Variants in CYP2D6 observed in about 807,000 individuals in gnomAD.
The protein encoded by CYP2D6 is cytochrome P450 family 2 subfamily D member 6 (gene/pseudogene), also known as cytochrome P450 2D6.
Under a neutral mutation model 43.5 loss-of-function variants are expected in CYP2D6, and 51 were observed. That is an observed-to-expected ratio of 1.17 (90% CI 0.94 to 1.48). CYP2D6 has a LOEUF of 1.48. Ranked by LOEUF, CYP2D6 falls within the 40% of genes most tolerant of loss-of-function variation. The pLI is 0.00. For synonymous variants in CYP2D6, 346 were observed against 297.1 expected (o/e 1.16, Z -1.69); for missense variants, 698 against 688.0 (o/e 1.01, Z -0.16).
intron 4 of CYP2D6, 61 bp downstream of exon 4, chr22:42,128,723 C>A: frequency 6.4e-7 from 1 of 1,557,540 alleles, no homozygotes. Flanking sequence ...AGGCCCCAGT[C>A]CAGCCCCGGC....
chr22:42,129,185 C>T lies in CYP2D6; in HGVS notation c.353G>A (p.Gly118Glu). Residue 118 changes from glycine to glutamate, a missense_variant and splice_region_variant, in exon 3 of 9, where the codon GGG becomes GAG. Physicochemically the swap from Gly to Glu is moderately conservative, Grantham distance 98. Around this residue, in one of 5 missense-constraint regions of CYP2D6, gnomAD observed 588 missense variants for 521.1 expected, o/e 1.13. Transcript: ENST00000645361. ...QILGFGPRSQ[G>E]VFLARYGPAW... Reference sequence around the variant, plus strand: ...GGGCCCATAGCGCGCCAGGAACACCCCTGGGGGTGGGACGGGCACGTGCGC... The same window carrying T: ...GGGCCCATAGCGCGCCAGGAACACCTCTGGGGGTGGGACGGGCACGTGCGC... 2 of 1,603,868 alleles carry T rather than the reference C, an allele frequency of 1.2e-6. No individual in the cohort carries two copies. The highest frequency in any genetic ancestry group is 2.2e-5 in the East Asian group (1 of 44,744).
At chr22:42,129,549 A>T (rs1187537692) in intron 2 of CYP2D6, among the ~76,000 whole-genome samples, 189 bp downstream of exon 2, 2 of 149,360 alleles carry the variant, frequency 1.3e-5, no homozygotes, top group African/African-American at 5.0e-5. Context: ...GGCCCCGCCC[A>T]CTCGTCACAA....
chr22:42,126,654 G>A lies in CYP2D6; in HGVS notation c.1414C>T (p.Gln472Ter), dbSNP rs2146928366. Residue 472 changes from glutamine to a stop codon, truncating the protein, a stop_gained, in exon 9 of 9, where the codon CAG (glutamine) becomes TAG (stop). Transcript: ENST00000645361. LOFTEE classifies it low-confidence loss of function (END_TRUNC). ...QHFSFSVPTGQPRPSHHGVFA... is the reference protein window; with the variant it reads ...QHFSFSVPTG ...ACACCATGGTGGCTGGGCCGGGGCTGTCCAGTGGGCACCGAGAAGCTGAAG... is the reference window on the plus strand; with the variant it reads ...ACACCATGGTGGCTGGGCCGGGGCTATCCAGTGGGCACCGAGAAGCTGAAG... The A allele has an allele frequency of 6.2e-7, 1 of 1,609,340 alleles. No homozygotes were observed. Among genetic ancestry groups the A allele is most frequent in the Non-Finnish European group, 8.5e-7 (1 of 1,177,756 alleles).
At position 42,128,915 on chromosome 22, in the gene CYP2D6, C is replaced by G. The variant is rs764477422; in HGVS notation, c.535G>C (p.Asp179His). 1 of 1,594,124 alleles carries G rather than the reference C, an allele frequency of 6.3e-7. No individual in the cohort carries two copies. ...GCGATCACGTTGCTCACGGCTTTGT[C>G]CAAGAGACCGTTGGGGCGAAAGGGG... Reference protein sequence around the residue: ...GRPFRPNGLLDKAVSNVIASL... With the variant: ...GRPFRPNGLLHKAVSNVIASL... The change falls in exon 4 of 9, where the codon GAC becomes CAC. Residue 179 changes from aspartate to histidine, a missense_variant. This residue lies in a region of CYP2D6 where 588 missense variants were observed against 521.1 expected (regional missense o/e 1.13). Transcript: ENST00000645361.
chr22:42,128,142 C>G, intron 5 of CYP2D6, 32 bp downstream of exon 5: 1 of 1,589,754 alleles, frequency 6.3e-7, no homozygotes. Context: ...CAACCCACCA[C>G]CCTTGCCCCC....
intron 2 of CYP2D6, 137 bp from the exon 3 acceptor site, chr22:42,129,322 T>A: frequency 8.6e-7 from 1 of 1,166,380 alleles, no homozygotes; most frequent in Non-Finnish European, 1.2e-6. Flanking sequence ...CCACTCTTTG[T>A]GCATCCACCT....
intron 1 of CYP2D6, 156 bp downstream of exon 1, chr22:42,130,456 C>G: frequency 1.1e-6 from 1 of 873,872 alleles, no homozygotes; most frequent in Non-Finnish European, 1.9e-6. Context: ...GTCCTTCATG[C>G]CATGTATAAA....
intron 7 of CYP2D6, 140 bp from the exon 8 acceptor site, chr22:42,127,132 G>A: frequency 1.7e-6 from 2 of 1,167,478 alleles, no homozygotes; most frequent in Non-Finnish European, 1.2e-6. Flanking sequence ...AAGCTCCACA[G>A]TACCCTCTCC....
rs527792942 is a variant in CYP2D6, at chr22:42,130,440, A to G, written c.180+172T>C. ...CCCTACTCTTCCTTGGCCTTTGGAAAATCCAGTCCTTCATGCCATGTATAA... is the reference window on the plus strand; with the variant it reads ...CCCTACTCTTCCTTGGCCTTTGGAAGATCCAGTCCTTCATGCCATGTATAA... On this transcript the variant is annotated intron_variant, in intron 1 of 8. Coordinates refer to ENST00000645361, the MANE Select transcript of CYP2D6 (RefSeq NM_000106.6). The G allele has an allele frequency of 1.1e-4, 85 of 807,846 alleles. 3 individuals are homozygous for G. The East Asian group carries it at 2.1e-3, about 20-fold the overall frequency. 50.0% of individuals were successfully genotyped at this position (807,846 alleles called of 1,614,324 possible).
At position 42,127,594 on chromosome 22, in the gene CYP2D6, C is replaced by G; in HGVS notation, c.1026G>C (p.Val342=). ...CCTGGTCACCCATCTCTGGTCGCCGCACCTGCCCTATCACGTCGTCGATCT... is the reference window on the plus strand; with the variant it reads ...CCTGGTCACCCATCTCTGGTCGCCGGACCTGCCCTATCACGTCGTCGATCT... The part of the protein sequence containing the change: ...QQEIDDVIGQ[V]RRPEMGDQAH... The change falls in exon 7 of 9, where the codon GTG becomes GTC. Residue 342 remains valine (V), a synonymous_variant. Coordinates refer to ENST00000645361, the MANE Select transcript of CYP2D6 (RefSeq NM_000106.6). 1 of 1,612,090 alleles carries G rather than the reference C, an allele frequency of 6.2e-7. No individual in the cohort carries two copies. Among genetic ancestry groups the G allele is most frequent in the Non-Finnish European group, 8.5e-7 (1 of 1,178,700 alleles).
chr22:42,130,757 A>G lies in CYP2D6; in HGVS notation c.35T>C (p.Ile12Thr). The change falls in exon 1 of 9, where the codon ATA (isoleucine) becomes ACA (threonine). Residue 12 changes from isoleucine (I) to threonine (T), a missense_variant. Physicochemically the swap from Ile to Thr is moderately conservative, Grantham distance 89 (BLOSUM62 -1). Transcript: ENST00000645361. ...CACCAGGAGCAGGAAGATGGCCACTATCACGGCCAGGGGCACCAGTGCTTC... is the reference window on the plus strand; with the variant it reads ...CACCAGGAGCAGGAAGATGGCCACTGTCACGGCCAGGGGCACCAGTGCTTC... Reference protein sequence around the residue: ...GLEALVPLAVIVAIFLLLVDL... With the variant: ...GLEALVPLAVTVAIFLLLVDL... 1.3e-6 allele frequency: 2 copies of G among 1,589,848 alleles called. No individual in the cohort carries two copies. The highest frequency in any genetic ancestry group is 1.4e-5 in the African/African-American group (1 of 73,810).
rs1320662968 is a variant in CYP2D6 at position 42,130,680 on chromosome 22, G to C, written c.112C>G (p.Leu38Val). 1 of 1,608,300 alleles carries C rather than the reference G, an allele frequency of 6.2e-7. No homozygotes were observed. The change falls in exon 1 of 9, where the codon CTG becomes GTG. Residue 38 changes from leucine (L) to valine (V), a missense_variant. By Grantham distance (32) the Leu-to-Val change is conservative. Around this residue, in one of 5 missense-constraint regions of CYP2D6, gnomAD observed 588 missense variants for 521.1 expected, o/e 1.13. Coordinates refer to ENST00000645361, the MANE Select transcript of CYP2D6 (RefSeq NM_000106.6). Reference sequence around the variant, plus strand: ...AGGTTGCCCAGCCCGGGCAGTGGCAGGGGGCCTGGTGGGTAGCGTGCAGCC... The same window carrying C: ...AGGTTGCCCAGCCCGGGCAGTGGCACGGGGCCTGGTGGGTAGCGTGCAGCC... ...RWAARYPPGP[L>V]PLPGLGNLLH...
In CYP2D6 at chr22:42,128,677, T is replaced by C. The variant is rs1235579184; in HGVS notation, c.666+107A>G. 1.5e-6 allele frequency: 2 copies of C among 1,362,036 alleles called. No homozygotes were observed. Among genetic ancestry groups the C allele is most frequent in the Admixed American group, 3.9e-5 (2 of 50,688 alleles). 84.4% of individuals were successfully genotyped at this position (1,362,036 alleles called of 1,614,324 possible). Reference sequence around the variant, plus strand: ...TACAGTGGGGTCTCCTGGAATGTCCTTTCCCAAACCCATCTATGCAAATCC... The same window carrying C: ...TACAGTGGGGTCTCCTGGAATGTCCCTTCCCAAACCCATCTATGCAAATCC... On this transcript the variant is annotated intron_variant, in intron 4 of 8. Coordinates refer to ENST00000645361, the MANE Select transcript of CYP2D6 (RefSeq NM_000106.6).
chr22:42,127,963 G>C lies in CYP2D6; in HGVS notation c.864C>G (p.Ser288Arg). 6.2e-7 allele frequency: 1 copy of C among 1,611,440 alleles called. No homozygotes were observed. Among genetic ancestry groups the C allele is most frequent in the South Asian group, 1.1e-5 (1 of 90,930 alleles). Residue 288 changes from serine to arginine, a missense_variant, in exon 6 of 9, where the codon AGC (serine) becomes AGG (arginine). This residue lies in a region of CYP2D6 where 588 missense variants were observed against 521.1 expected (regional missense o/e 1.13). Transcript: ENST00000645361. ...EMEKAKGNPESSFNDENLRIV... is the reference protein window; with the variant it reads ...EMEKAKGNPERSFNDENLRIV... ...TGCGCAGGTTCTCATCATTGAAGCT[G>C]CTCTCAGGGTTCCCCTTGGCCTGAG... is the stretch of plus-strand genomic sequence containing the variant.
rs746272785 is a variant in CYP2D6, at chr22:42,129,152, C to A, written c.386G>T (p.Arg129Leu). Reference protein sequence around the residue: ...VFLARYGPAWREQRRFSVSTL... With the variant: ...VFLARYGPAWLEQRRFSVSTL... ...GGACACGGAGAAGCGCCTCTGCTCG[C>A]GCCACGCGGGCCCATAGCGCGCCAG... is the stretch of plus-strand genomic sequence containing the variant. Residue 129 changes from arginine (R) to leucine (L), a missense_variant, in exon 3 of 9, where the codon CGC (arginine) becomes CTC (leucine). Arg to Leu is a moderately radical substitution (Grantham distance 102). Coordinates refer to ENST00000645361, the MANE Select transcript of CYP2D6 (RefSeq NM_000106.6). 3.1e-6 allele frequency: 5 copies of A among 1,608,472 alleles called. No individual in the cohort carries two copies. Among genetic ancestry groups the A allele is most frequent in the Non-Finnish European group, 4.2e-6 (5 of 1,178,070 alleles).
rs761633882 is a variant in CYP2D6, at chr22:42,130,562, G to C, written c.180+50C>G. 9.1e-6 allele frequency: 12 copies of C among 1,314,564 alleles called. 3 individuals carry two copies. In the South Asian group the frequency reaches 1.5e-4, roughly 16 times the overall value. 81.4% of individuals were successfully genotyped at this position (1,314,564 alleles called of 1,614,324 possible). Reference sequence around the variant, plus strand: ...TCACCCACCATCCATGTTTGCTTCTGGTAGGGGAGCCTCAGCACCTCTGCC... The same window carrying C: ...TCACCCACCATCCATGTTTGCTTCTCGTAGGGGAGCCTCAGCACCTCTGCC... On this transcript the variant is annotated intron_variant, in intron 1 of 8. Coordinates refer to ENST00000645361, the MANE Select transcript of CYP2D6 (RefSeq NM_000106.6).
Position 42,128,190 on chromosome 22 carries a change from A to C in CYP2D6, c.827T>G (p.Leu276Arg), listed in dbSNP as rs1931268543. The C allele has an allele frequency of 1.2e-6, 2 of 1,607,542 alleles. No individual in the cohort carries two copies. The highest frequency in any genetic ancestry group is 1.4e-5 in the African/African-American group (1 of 73,742). ...CACTCTCACCTTCTCCATCTCTGCC[A>C]GGAAGGCCTCAGTCAGGTCTCGGGG... ...QPPRDLTEAF[L>R]AEMEKAKGNP... The change falls in exon 5 of 9, where the codon CTG becomes CGG. Residue 276 changes from leucine to arginine, a missense_variant. Leu to Arg is a moderately radical substitution (Grantham distance 102). This residue lies in a region of CYP2D6 where 588 missense variants were observed against 521.1 expected (regional missense o/e 1.13). Transcript: ENST00000645361.
Position 42,126,608 on chromosome 22 carries a change from G to C in CYP2D6, c.1460C>G (p.Pro487Arg). 1 of 1,606,800 alleles carries C rather than the reference G, an allele frequency of 6.2e-7. No homozygotes were observed. Among genetic ancestry groups the C allele is most frequent in the Non-Finnish European group, 8.5e-7 (1 of 1,176,158 alleles). Residue 487 changes from proline (P) to arginine (R), a missense_variant, in exon 9 of 9, where the codon CCA (proline) becomes CGA (arginine). Physicochemically the swap from Pro to Arg is moderately radical, Grantham distance 103. This residue lies in a region of CYP2D6 where 85 missense variants were observed against 81.2 expected (regional missense o/e 1.05). Coordinates refer to ENST00000645361, the MANE Select transcript of CYP2D6 (RefSeq NM_000106.6). ...HHGVFAFLVS[P>R]SPYELCAVPR ...CACAGCACAAAGCTCATAGGGGGAT[G>C]GGCTCACCAGGAAAGCAAAGACACC...
rs371673711 is a variant in CYP2D6 at position 42,129,076 on chromosome 22, G to A, written c.462C>T (p.Thr154=). 124 of 1,609,242 alleles carry A rather than the reference G, an allele frequency of 7.7e-5. 6 individuals carry two copies. The highest frequency in any genetic ancestry group is 3.6e-4 in the South Asian group (33 of 90,664). Residue 154 remains threonine, a synonymous_variant, in exon 3 of 9, where the codon ACC becomes ACT. Transcript: ENST00000645361. ...LGKKSLEQWV[T]EEAACLCAAF... is the part of the protein sequence containing the mutation. ...CGGCACAAAGGCAGGCGGCCTCCTC[G>A]GTCACCCACTGCTCCAGCGACTTCT...
Sources: gnomAD v4.1 joint callset for allele counts (sites outside exome capture counted in the v4.1 genomes callset) on GRCh38, gnomAD v4.1.1 for gene constraint, gnomAD v4.1.1 regional missense constraint, MANE v1.5 for transcripts, NCBI Gene and HGNC (gene_info 2026-07-23, HGNC 2026-07-21) for gene names.